The following CD44 variants were observed in gnomAD, a reference collection of about 807,000 sequenced individuals.
CD44 encodes CD44 antigen.
Under a neutral mutation model 88.8 loss-of-function variants are expected in CD44, and 49 were observed. The ratio of observed to expected loss-of-function variants is 0.55; its 90% CI spans 0.44 to 0.70. The LOEUF (loss-of-function observed/expected upper bound fraction) is 0.70, where lower values mean the gene tolerates loss of function less well. Ranked by LOEUF, CD44 falls within the 30% of genes least tolerant of loss-of-function variation. The pLI, the probability that CD44 is intolerant of heterozygous loss-of-function variation, is 0.00. For missense variants in CD44, 883 were observed against 913.8 expected (o/e 0.97, Z 0.43); for synonymous variants, 325 against 312.3 (o/e 1.04, Z -0.43).
At chr11:35,200,742 G>A in intron 7 of CD44, 1 of 273,024 alleles carries the variant, frequency 3.7e-6, no homozygotes, top group Non-Finnish European at 7.3e-6. Context: ...TGCATGGATG[G>A]GCAAAATGGC....
intron 17 of CD44, chr11:35,222,502 A>C: frequency 1.7e-6 from 2 of 1,170,594 alleles, no homozygotes; most frequent in Middle Eastern, 2.4e-4. Context: ...ACCTCGCTAG[A>C]ACTGACACAT....
At chr11:35,170,936 A>T (rs1217146786) in intron 1 of CD44, among the ~76,000 whole-genome samples, 1 of 152,200 alleles carries the variant, frequency 6.6e-6, no homozygotes, top group Non-Finnish European at 1.5e-5. Flanking sequence ...GAGTTTGGGC[A>T]TGTTTCTTTA....
At position 35,189,968 on chromosome 11, in the gene CD44, A is replaced by G; in HGVS notation, c.570A>G (p.Ser190=). The change falls in exon 5 of 18, where the codon TCA becomes TCG. Residue 190 remains serine (S), a synonymous_variant. Transcript: ENST00000428726. ...CCTCCAGTGAAAGGAGCAGCACTTC[A>G]GGAGGTTACATCTTTTACACCTTTT... ...SGSSSERSST[S]GGYIFYTFST... is the part of the protein sequence containing the mutation. The G allele has an allele frequency of 2.5e-6, 4 of 1,614,214 alleles. No homozygotes were observed. The highest frequency in any genetic ancestry group is 2.5e-6 in the Non-Finnish European group (3 of 1,180,030).
At chr11:35,186,049 C>T (rs1053307327) in intron 3 of CD44, among the ~76,000 whole-genome samples, 1 of 103,738 alleles carries the variant, frequency 9.6e-6, no homozygotes, top group East Asian at 2.1e-4. Context: ...AAAACGAGAA[C>T]AAGAGAAAAA....
chr11:35,179,244 T>G (rs1460364000), intron 2 of CD44, among the ~76,000 whole-genome samples: 1 of 152,196 alleles, frequency 6.6e-6, no homozygotes, highest in Non-Finnish European at 1.5e-5. Flanking sequence ...AGCATCAATG[T>G]GCATTTTAGC....
intron 1 of CD44, among the ~76,000 whole-genome samples, chr11:35,166,504 G>A (rs1413219298): frequency 6.6e-6 from 1 of 152,222 alleles, no homozygotes; most frequent in Non-Finnish European, 1.5e-5. Context: ...TTTCTAGGCT[G>A]TGCATTGGGT....
At chr11:35,202,547 G>A (rs1947415492) in intron 9 of CD44, among the ~76,000 whole-genome samples, 1 of 152,184 alleles carries the variant, frequency 6.6e-6, no homozygotes, top group Admixed American at 6.5e-5. Context: ...TTGGAAAACA[G>A]CTTTTTAGCA....
At chr11:35,141,791 C>A (rs940189360) in intron 1 of CD44, among the ~76,000 whole-genome samples, 9 of 152,182 alleles carry the variant, frequency 5.9e-5, no homozygotes, top group East Asian at 1.9e-4. Flanking sequence ...AGTTGTTTGG[C>A]AGGAACTGGG....
rs960679275 is a variant in CD44 at position 35,207,976 on chromosome 11, A to G, written c.1415-129A>G. ...AATAATCTATCTCAGTTCGGGAGAT[A>G]TAGTCAGTATGTGCTTTCTTTCCTC... On this transcript the variant is annotated intron_variant, in intron 11 of 17. Transcript: ENST00000428726. The G allele has an allele frequency of 2.1e-5, 13 of 625,932 alleles. No homozygotes were observed. In the East Asian group the frequency reaches 3.3e-4, roughly 16 times the overall value. 38.8% of individuals were successfully genotyped at this position (625,932 alleles called of 1,614,324 possible).
At chr11:35,227,997 C>T (rs1949825625) in intron 17 of CD44, among the ~76,000 whole-genome samples, 1 of 152,180 alleles carries the variant, frequency 6.6e-6, no homozygotes. Context: ...CAGAAAATTA[C>T]ATGTAAAATG....
chr11:35,219,714 C>G (rs1490876209), intron 16 of CD44, among the ~76,000 whole-genome samples: 1 of 152,202 alleles, frequency 6.6e-6, no homozygotes, highest in African/African-American at 2.4e-5. Context: ...CATGTCATAC[C>G]TAGGTCCTTT....
chr11:35,205,161 G>GTATAAATAGA (rs1947710248), intron 10 of CD44, among the ~76,000 whole-genome samples: 1 of 152,120 alleles, frequency 6.6e-6, no homozygotes, highest in South Asian at 2.1e-4. Flanking sequence ...GTATAAAAAA[G>GTATAAATAGA]GTATCTTCTC....
In CD44 at chr11:35,146,504, C is replaced by T. The variant is rs184382045; in HGVS notation, c.67+7134C>T. ...ATAGCAAACACTTACAGAGTGTTGACCATGTACCAGCGCCATTCTAATTGT... is the reference window on the plus strand; with the variant it reads ...ATAGCAAACACTTACAGAGTGTTGATCATGTACCAGCGCCATTCTAATTGT... On this transcript the variant is annotated intron_variant, in intron 1 of 17. Transcript: ENST00000428726. 3.5e-4 allele frequency among the ~76,000 whole-genome samples: 54 copies of T among 152,324 alleles called. 1 individual carries two copies. In the East Asian group the frequency reaches 9.2e-3, roughly 26 times the overall value.
chr11:35,183,564 C>T (rs758780050), intron 3 of CD44, among the ~76,000 whole-genome samples: 9 of 152,254 alleles, frequency 5.9e-5, no homozygotes, highest in South Asian at 2.1e-4. Flanking sequence ...CCCCATAAAA[C>T]GGCTACAGGG....
chr11:35,139,408 C>G (rs1399191937), intron 1 of CD44, 38 bp downstream of exon 1: 1 of 1,539,166 alleles, frequency 6.5e-7, no homozygotes, highest in African/African-American at 1.4e-5. Context: ...AAGATGGGTG[C>G]GGGGTGCTCA....
chr11:35,158,921 G>C (rs1942252517), intron 1 of CD44, among the ~76,000 whole-genome samples: 1 of 152,236 alleles, frequency 6.6e-6, no homozygotes, highest in African/African-American at 2.4e-5. Flanking sequence ...AAGGCTGCTT[G>C]TCTCAGCAGG....
chr11:35,181,946 A>AATTTTATATATATAAATATTATATAT (rs1945152514), intron 3 of CD44, among the ~76,000 whole-genome samples: 2 of 57,676 alleles, frequency 3.5e-5, no homozygotes, highest in African/African-American at 7.4e-5. Flanking sequence ...ATTATATATA[A>AATTTTATATATATAAATATTATATAT]TATATATAAA....
chr11:35,149,533 T>G (rs1218750889), intron 1 of CD44, among the ~76,000 whole-genome samples: 1 of 152,206 alleles, frequency 6.6e-6, no homozygotes, highest in Non-Finnish European at 1.5e-5. Flanking sequence ...AGAATAGAAA[T>G]GATTATTATA....
At position 35,223,299 on chromosome 11, in the gene CD44, C is replaced by T. The variant is rs530980776; in HGVS notation, c.2024+1567C>T. The T allele has an allele frequency of 8.4e-5, 83 of 985,040 alleles. No homozygotes were observed. The Admixed American group carries it at 1.5e-3, about 17-fold the overall frequency. The allele number at this position is 985,040 out of a possible 1,614,324, so 61.0% of individuals were successfully genotyped here. A position where few individuals can be genotyped will look rare whatever the true frequency, so the allele number is the denominator to read the frequency against. ...CTCATTTTCCCTTGGATTACTTTTGCTCAATTAAATATGAATTTCCTATTG... is the reference window on the plus strand; with the variant it reads ...CTCATTTTCCCTTGGATTACTTTTGTTCAATTAAATATGAATTTCCTATTG... On this transcript the variant is annotated intron_variant, in intron 17 of 17. Transcript: ENST00000428726.
Sources: gnomAD v4.1 joint callset for allele counts (sites outside exome capture counted in the v4.1 genomes callset) on GRCh38, gnomAD v4.1.1 for gene constraint, MANE v1.5 for transcripts, NCBI Gene and HGNC (gene_info 2026-07-23, HGNC 2026-07-21) for gene names.